KCNN3: variants seen among roughly 807,000 people sequenced by gnomAD.
KCNN3 encodes small conductance calcium-activated potassium channel protein 3.
In KCNN3, 16 loss-of-function variants were observed where a neutral mutation model predicts 62.9. That is an observed-to-expected ratio of 0.25 (90% CI 0.17 to 0.39). The LOEUF is 0.39. KCNN3 is among the 10% of genes least tolerant of loss of function. The probability of loss-of-function intolerance (pLI) is 1.00; values close to 1 mark genes in which losing one functional copy is unlikely to be tolerated. For synonymous variants in KCNN3, 370 were observed against 389.2 expected (o/e 0.95, Z 0.58); for missense variants, 599 against 949.4 (o/e 0.63, Z 4.85).
At chr1:154,849,561 G>T (rs1481955818) in intron 1 of KCNN3, among the ~76,000 whole-genome samples, 1 of 152,214 alleles carries the variant, frequency 6.6e-6, no homozygotes, top group African/African-American at 2.4e-5. Context: ...AAAAGACATG[G>T]AGACTAGAAA....
chr1:154,844,592 T>A (rs1253218915), intron 1 of KCNN3, among the ~76,000 whole-genome samples: 3 of 152,214 alleles, frequency 2.0e-5, no homozygotes, highest in African/African-American at 7.2e-5. Flanking sequence ...AAACCCCCAC[T>A]CTGGGTTTGT....
At chr1:154,792,982 G>A (rs1448560283) in intron 2 of KCNN3, among the ~76,000 whole-genome samples, 1 of 152,188 alleles carries the variant, frequency 6.6e-6, no homozygotes, top group Non-Finnish European at 1.5e-5. Flanking sequence ...AGAAAGGGGA[G>A]TTCCTTTAGT....
chr1:154,709,695 A>G (rs566817245), intron 7 of KCNN3, among the ~76,000 whole-genome samples: 14 of 152,260 alleles, frequency 9.2e-5, no homozygotes, highest in Non-Finnish European at 1.8e-4. Context: ...TTGCCAGAGC[A>G]GGACACCGTG....
chr1:154,715,091 G>A (rs1700204238), intron 5 of KCNN3, 88 bp from the exon 6 acceptor site: 1 of 1,494,084 alleles, frequency 6.7e-7, no homozygotes, highest in Admixed American at 1.7e-5. Context: ...ACCTCATAAG[G>A]AAACGATTTT....
intron 2 of KCNN3, among the ~76,000 whole-genome samples, chr1:154,780,919 G>T (rs1286251568): frequency 6.6e-6 from 1 of 152,174 alleles, no homozygotes; most frequent in Admixed American, 6.5e-5. Flanking sequence ...GGAAGTCTAT[G>T]ATTCTACCAT....
At chr1:154,776,958 T>C (rs1434739294) in intron 2 of KCNN3, among the ~76,000 whole-genome samples, 2 of 152,174 alleles carry the variant, frequency 1.3e-5, no homozygotes, top group Non-Finnish European at 2.9e-5. Context: ...CAGTCACAGT[T>C]GGAGCTCCAA....
intron 3 of KCNN3, among the ~76,000 whole-genome samples, chr1:154,752,842 A>G (rs1647450563): frequency 6.6e-6 from 1 of 152,044 alleles, no homozygotes; most frequent in African/African-American, 2.4e-5. Flanking sequence ...ATAACACCAC[A>G]AAGCATTCCT....
Position 154,705,423 on chromosome 1 carries a change from A to G in KCNN3, c.*2553T>C, listed in dbSNP as rs1699948668. 6.6e-6 allele frequency: 1 copy of G among 152,216 alleles called. No individual in the cohort carries two copies. Among genetic ancestry groups the G allele is most frequent in the Admixed American group, 6.5e-5 (1 of 15,282 alleles). The allele number at this position is 152,216 out of a possible 1,614,324, so 9.4% of individuals were successfully genotyped here. On this transcript the variant is annotated 3_prime_UTR_variant, in exon 8 of 8. Coordinates refer to ENST00000271915, the MANE Select transcript of KCNN3 (RefSeq NM_002249.6). ...AAGCATTTTCTTTTGCCAAGAATAA[A>G]AATCATGTATAGCTATTGCACTACC...
rs569839914 is a variant in KCNN3, at chr1:154,760,634, G to A, written c.1448+11341C>T. Among the ~76,000 whole-genome samples, 751 of 152,272 alleles carry A rather than the reference G, an allele frequency of 4.9e-3. 6 individuals are homozygous for A. The highest frequency in any genetic ancestry group is 0.017 in the African/African-American group (714 of 41,568). On this transcript the variant is annotated intron_variant, in intron 3 of 7. Coordinates refer to ENST00000271915, the MANE Select transcript of KCNN3 (RefSeq NM_002249.6). ...CGAGCCTCGGCCTCTCCCGGGCCCC[G>A]GCCTCTCCACGACCGCCTGGCCGCG...
intron 2 of KCNN3, among the ~76,000 whole-genome samples, chr1:154,793,842 C>T (rs1423167280): frequency 6.6e-6 from 1 of 152,146 alleles, no homozygotes; most frequent in African/African-American, 2.4e-5. Context: ...TCTCCAAAGT[C>T]AGTGTGGAGG....
rs1450217329 is a variant in KCNN3 at position 154,772,777 on chromosome 1, T to C, written c.1030-384A>G. On this transcript the variant is annotated intron_variant, in intron 2 of 7. Coordinates refer to ENST00000271915, the MANE Select transcript of KCNN3 (RefSeq NM_002249.6). The surrounding 1 kb of genome is among the most constrained non-coding windows in gnomAD (Gnocchi z 5.6). ...GTCATTTGTATGCTAATGAGATGAC[T>C]AGTGGCTGGGGTCGGTCGGGGTGGG... Among the ~76,000 whole-genome samples, 1 of 152,108 alleles carries C rather than the reference T, an allele frequency of 6.6e-6. No homozygotes were observed. The highest frequency in any genetic ancestry group is 2.4e-5 in the African/African-American group (1 of 41,414).
intron 2 of KCNN3, among the ~76,000 whole-genome samples, chr1:154,814,163 G>A (rs1650559652): frequency 6.6e-6 from 1 of 152,252 alleles, no homozygotes; most frequent in South Asian, 2.1e-4. Flanking sequence ...CGGGCCAGAT[G>A]CCAGGTCTGT....
intron 1 of KCNN3, among the ~76,000 whole-genome samples, chr1:154,828,396 A>G (rs1342871912): frequency 2.0e-5 from 3 of 151,488 alleles, no homozygotes; most frequent in Non-Finnish European, 4.4e-5. Context: ...CTGTGATGAA[A>G]TGTTGGGTGT....
intron 5 of KCNN3, among the ~76,000 whole-genome samples, chr1:154,721,428 A>T (rs1253463643): frequency 1.3e-5 from 2 of 151,192 alleles, no homozygotes; most frequent in African/African-American, 4.9e-5. Flanking sequence ...GCCTCCCGAG[A>T]AGCTGGGATT....
rs1699982318 is a variant in KCNN3, at chr1:154,707,298, C to G, written c.*678G>C. ...CAAGTCCCTTTTTATTTGGATTAAG[C>G]TCAAATAAGAAAGGACCTGAAGCGA... On this transcript the variant is annotated 3_prime_UTR_variant, in exon 8 of 8. Transcript: ENST00000271915. 1 of 152,036 alleles carries G rather than the reference C, an allele frequency of 6.6e-6. No homozygotes were observed. The highest frequency in any genetic ancestry group is 2.4e-5 in the African/African-American group (1 of 41,378). The allele number at this position is 152,036 out of a possible 1,614,324, so 9.4% of individuals were successfully genotyped here. A position where few individuals can be genotyped will look rare whatever the true frequency, so the allele number is the denominator to read the frequency against.
chr1:154,785,799 C>T (rs551197827), intron 2 of KCNN3, among the ~76,000 whole-genome samples: 5 of 151,810 alleles, frequency 3.3e-5, no homozygotes, highest in Admixed American at 6.6e-5. Context: ...TGGGGTTTTG[C>T]GATGTTGGCC....
rs757503744 is a variant in KCNN3 at position 154,714,989 on chromosome 1, T to C, written c.1716A>G (p.Ala572=). 1 of 1,613,768 alleles carries C rather than the reference T, an allele frequency of 6.2e-7. No homozygotes were observed. The highest frequency in any genetic ancestry group is 1.1e-5 in the South Asian group (1 of 91,076). ...TQLTKRIKNA[A]ANVLRETWLI... ...ACCATGTTTCCCGAAGGACATTGGC[T>C]GCAGCATTCTTGATCTAAGGAAGAA... is the stretch of plus-strand genomic sequence containing the variant. The change falls in exon 6 of 8, where the codon GCA becomes GCG. Residue 572 remains alanine (A), a synonymous_variant. Transcript: ENST00000271915.
chr1:154,759,700 C>G (rs980581185), intron 3 of KCNN3, among the ~76,000 whole-genome samples: 11 of 152,144 alleles, frequency 7.2e-5, no homozygotes, highest in African/African-American at 1.7e-4. Flanking sequence ...AAGAAGGAAC[C>G]CTGGCATTTA....
At chr1:154,730,899 C>T (rs942968595) in intron 4 of KCNN3, among the ~76,000 whole-genome samples, 8 of 152,098 alleles carry the variant, frequency 5.3e-5, no homozygotes, top group African/African-American at 1.2e-4. Context: ...AAACAGCCTC[C>T]GGACCCCAAA....
Sources: allele counts gnomAD v4.1 joint callset (sites outside exome capture counted in the v4.1 genomes callset), GRCh38; gene constraint gnomAD v4.1.1; non-coding constraint Gnocchi (gnomAD v3.1); transcripts MANE v1.5; gene names NCBI Gene and HGNC (gene_info 2026-07-23, HGNC 2026-07-21).